HDGFL3: variants seen among roughly 807,000 people sequenced by gnomAD.
HDGFL3 encodes hepatoma-derived growth factor-related protein 3.
HDGFL3 carries 6 observed loss-of-function variants against 27.6 expected under a neutral mutation model. The observed-to-expected ratio is 0.22, with a 90% CI of 0.12 to 0.43. The LOEUF is 0.43. HDGFL3 is among the 20% of genes least tolerant of loss of function. The probability of loss-of-function intolerance (pLI) is 1.00; values close to 1 mark genes in which losing one functional copy is unlikely to be tolerated. For synonymous variants in HDGFL3, 88 were observed against 88.9 expected, an observed-to-expected ratio of 0.99 and a Z score of 0.05; for missense variants, 207 against 250.1, an observed-to-expected ratio of 0.83 and a Z score of 1.16.
intron 1 of HDGFL3, among the ~76,000 whole-genome samples, chr15:83,182,654 G>GT (rs1170333905): frequency 6.6e-6 from 1 of 152,118 alleles, no homozygotes; most frequent in East Asian, 1.9e-4. Context: ...ATTGGGAAGG[G>GT]TATTAGAGAA....
At chr15:83,123,512 G>C (rs984591654), downstream of HDGFL3, among the ~76,000 whole-genome samples, 1 of 152,170 alleles carries the variant, frequency 6.6e-6, no homozygotes, top group Non-Finnish European at 1.5e-5. Flanking sequence ...GATCTTTTAA[G>C]CAAAACTGAT....
At chr15:83,121,503 A>G (rs999865438) in intron 3 of HDGFL3, among the ~76,000 whole-genome samples, 6 of 152,232 alleles carry the variant, frequency 3.9e-5, no homozygotes, top group Admixed American at 6.5e-5. Context: ...GTGACCCCAG[A>G]AAAAGTCCAT....
chr15:83,157,615 A>C, intron 3 of HDGFL3, 42 bp from the exon 4 acceptor site: 1 of 1,520,304 alleles, frequency 6.6e-7, no homozygotes, highest in Non-Finnish European at 9.0e-7. Context: ...TTTTTGAAAA[A>C]ATAGCAAAGA....
At chr15:83,114,185 AG>A (rs2034445445) in exon 4 of HDGFL3, 1 of 153,088 alleles carries the variant, frequency 6.5e-6, no homozygotes, top group African/African-American at 2.4e-5. Context: ...CACTCCATGG[AG>A]CCTGTATTAA....
intron 1 of HDGFL3, among the ~76,000 whole-genome samples, chr15:83,178,552 T>C (rs1047113074): frequency 1.3e-5 from 2 of 152,098 alleles, no homozygotes; most frequent in African/African-American, 4.8e-5. Flanking sequence ...TGGTCCCAGA[T>C]ACACAGGAGG....
chr15:83,157,792 A>G, intron 3 of HDGFL3, 111 bp downstream of exon 3: 1 of 1,093,098 alleles, frequency 9.1e-7, no homozygotes, highest in South Asian at 1.4e-5. Flanking sequence ...AGTCAAAAAG[A>G]ATTGTGACTT....
intron 2 of HDGFL3, among the ~76,000 whole-genome samples, chr15:83,163,386 C>T (rs1271228044): frequency 1.3e-5 from 2 of 152,166 alleles, no homozygotes; most frequent in African/African-American, 4.8e-5. Flanking sequence ...AATGACAGGA[C>T]AAGAAACAGA....
At chr15:83,185,026 T>A (rs1484818590) in intron 1 of HDGFL3, 9 of 152,240 alleles carry the variant, frequency 5.9e-5, no homozygotes, top group African/African-American at 1.4e-4. Context: ...ACCCTTTTTT[T>A]AAATTTTTAT....
At chr15:83,165,928 C>A (rs1407174783) in intron 1 of HDGFL3, among the ~76,000 whole-genome samples, 1 of 148,884 alleles carries the variant, frequency 6.7e-6, no homozygotes, top group African/African-American at 2.5e-5. Flanking sequence ...AAAAAATGAA[C>A]AGTCTTTGAG....
At chr15:83,124,821 A>C (rs1418843149), downstream of HDGFL3, 11 of 1,432,212 alleles carry the variant, frequency 7.7e-6, no homozygotes, top group Non-Finnish European at 1.1e-5. Context: ...GATACTACTC[A>C]CATTTCCAAA....
chr15:83,177,465 T>C (rs1405959997), intron 1 of HDGFL3, among the ~76,000 whole-genome samples: 1 of 152,216 alleles, frequency 6.6e-6, no homozygotes, highest in African/African-American at 2.4e-5. Flanking sequence ...CATTTAATGA[T>C]TAAGAAAAAT....
intron 2 of HDGFL3, among the ~76,000 whole-genome samples, chr15:83,160,510 T>A: frequency 7.1e-6 from 1 of 140,084 alleles, no homozygotes; most frequent in Middle Eastern, 3.5e-3. Flanking sequence ...GACTGAGAAA[T>A]AAGAAGGAGT....
intron 1 of HDGFL3, among the ~76,000 whole-genome samples, chr15:83,199,912 G>A (rs1427885150): frequency 6.6e-6 from 1 of 151,850 alleles, no homozygotes; most frequent in Non-Finnish European, 1.5e-5. Context: ...CGGGCATGGT[G>A]GTGGGCACCT....
chr15:83,196,226 A>G (rs2037570135), intron 1 of HDGFL3, among the ~76,000 whole-genome samples: 1 of 151,836 alleles, frequency 6.6e-6, no homozygotes, highest in South Asian at 2.1e-4. Flanking sequence ...TGACTTATTT[A>G]TTAAGTCAAT....
Position 83,136,755 on chromosome 15 carries a change from C to A in HDGFL3, c.*2515G>T. On this transcript the variant is annotated 3_prime_UTR_variant, in exon 6 of 6. Transcript: ENST00000299633. ...ATATTTTGTCCCATTTCACTCTCTT[C>A]TCATACGTGAGTACTTAAGAATATG... The A allele has an allele frequency of 8.7e-7, 1 of 1,149,830 alleles. No homozygotes were observed. The highest frequency in any genetic ancestry group is 1.2e-6 in the Non-Finnish European group (1 of 803,644). The allele number at this position is 1,149,830 out of a possible 1,614,324, so 71.2% of individuals were successfully genotyped here.
intron 1 of HDGFL3, among the ~76,000 whole-genome samples, chr15:83,165,794 CAAAAAAAAAAAAAAA>C (rs57873221): frequency 7.2e-5 from 1 of 13,842 alleles, no homozygotes; most frequent in Non-Finnish European, 1.8e-4. Flanking sequence ...GAATCCATCT[CAAAAAAAAAAAAAAA>C]AAAAAAAAAA....
intron 1 of HDGFL3, among the ~76,000 whole-genome samples, chr15:83,204,631 A>G (rs908328936): frequency 6.6e-6 from 1 of 152,248 alleles, no homozygotes; most frequent in Non-Finnish European, 1.5e-5. Flanking sequence ...CTGAGTTGAA[A>G]GTTGACAATA....
At chr15:83,164,195 G>T (rs1567170509) in intron 1 of HDGFL3, 120 bp from the exon 2 acceptor site, 3 of 672,036 alleles carry the variant, frequency 4.5e-6, no homozygotes, top group Non-Finnish European at 4.8e-6. Flanking sequence ...TAGTTTTTTA[G>T]AACTTTACAA....
chr15:83,181,488 T>C (rs1489526184), intron 1 of HDGFL3, among the ~76,000 whole-genome samples: 1 of 152,236 alleles, frequency 6.6e-6, no homozygotes, highest in Non-Finnish European at 1.5e-5. Context: ...TAGTCACTTT[T>C]TTTTTGAGAT....
Sources: allele counts gnomAD v4.1 joint callset (sites outside exome capture counted in the v4.1 genomes callset), GRCh38; gene constraint gnomAD v4.1.1; transcripts MANE v1.5; gene names NCBI Gene and HGNC (gene_info 2026-07-23, HGNC 2026-07-21).